OLFM2: variants seen among roughly 807,000 people sequenced by gnomAD.
OLFM2 encodes olfactomedin 2.
OLFM2 carries 20 observed loss-of-function variants against 43.9 expected under a neutral mutation model. The ratio of observed to expected loss-of-function variants is 0.46; its 90% CI spans 0.32 to 0.66. OLFM2 has a LOEUF of 0.66. Ranked by LOEUF, OLFM2 falls within the 30% of genes least tolerant of loss-of-function variation. The probability of loss-of-function intolerance (pLI) is 0.04; values close to 1 mark genes in which losing one functional copy is unlikely to be tolerated. For synonymous variants in OLFM2, 268 were observed against 278.6 expected (o/e 0.96, Z 0.38); for missense variants, 416 against 643.6 (o/e 0.65, Z 3.83).
At chr19:9,861,687 G>A (rs2046366439) in intron 1 of OLFM2, among the ~76,000 whole-genome samples, 1 of 152,222 alleles carries the variant, frequency 6.6e-6, no homozygotes, top group Non-Finnish European at 1.5e-5. Flanking sequence ...AACAAGTTTT[G>A]TTACTGCAGG....
chr19:9,876,268 G>A (rs116230076), intron 1 of OLFM2, among the ~76,000 whole-genome samples: 2 of 152,170 alleles, frequency 1.3e-5, no homozygotes, highest in Non-Finnish European at 2.9e-5. Flanking sequence ...ATCCGTCCGC[G>A]TGTGGAAAAG....
chr19:9,861,659 A>G (rs543322435), intron 1 of OLFM2, among the ~76,000 whole-genome samples: 35 of 152,374 alleles, frequency 2.3e-4, no homozygotes, highest in South Asian at 1.7e-3. Context: ...GGTCAAATAA[A>G]TGTGTGTCAC....
intron 1 of OLFM2, among the ~76,000 whole-genome samples, chr19:9,901,443 C>G (rs1290806840): frequency 6.6e-6 from 1 of 151,908 alleles, no homozygotes; most frequent in Non-Finnish European, 1.5e-5. Flanking sequence ...AACAAACAAA[C>G]AAACAAACAA....
chr19:9,915,728 C>T (rs1234941202), intron 1 of OLFM2, among the ~76,000 whole-genome samples: 2 of 151,904 alleles, frequency 1.3e-5, no homozygotes, highest in African/African-American at 4.8e-5. Context: ...CCGTGTTAGC[C>T]AGGATGGTCT....
intron 1 of OLFM2, among the ~76,000 whole-genome samples, chr19:9,882,607 AG>A (rs2046548766): frequency 6.7e-6 from 1 of 150,254 alleles, no homozygotes; most frequent in South Asian, 2.1e-4. Flanking sequence ...GCTGTGTGTG[AG>A]TGGGGTAGGA....
At chr19:9,864,910 T>G (rs928189988) in intron 1 of OLFM2, among the ~76,000 whole-genome samples, 2 of 147,286 alleles carry the variant, frequency 1.4e-5, no homozygotes, top group East Asian at 4.1e-4. Flanking sequence ...GTATTACAGG[T>G]GTGAGCCACT....
intron 1 of OLFM2, among the ~76,000 whole-genome samples, chr19:9,916,959 G>A (rs1268001380): frequency 6.6e-6 from 1 of 151,994 alleles, no homozygotes; most frequent in Admixed American, 6.6e-5. Context: ...CCACCTCTCT[G>A]GCTGTGCCGT....
chr19:9,891,159 C>T (rs536001799), intron 1 of OLFM2, among the ~76,000 whole-genome samples: 33 of 149,034 alleles, frequency 2.2e-4, no homozygotes, highest in African/African-American at 8.2e-4. Context: ...ACTAAAAATA[C>T]AAAAATTAGC....
chr19:9,908,925 C>T lies in OLFM2; in HGVS notation c.63+27379G>A, dbSNP rs1274846610. Among the ~76,000 whole-genome samples, 3 of 151,950 alleles carry T rather than the reference C, an allele frequency of 2.0e-5. No individual in the cohort carries two copies. The East Asian group carries it at 5.8e-4, about 29-fold the overall frequency. On this transcript the variant is annotated intron_variant, in intron 1 of 5. Coordinates refer to ENST00000264833, the MANE Select transcript of OLFM2 (RefSeq NM_058164.4). ...TTTGCTATGTTGTCCAGGCTGGTCT[C>T]GAACTCCTGGCCTCAAGCAATCTTC...
rs2046540736 is a variant in OLFM2, at chr19:9,881,664, A to AT, written c.64-20871_64-20870insA. ...ATGCCACCATGTCCCACTAATTTTTAATTTTTTTTTTTTTACAGTTGGGGG... is the reference window on the plus strand; with the variant it reads ...ATGCCACCATGTCCCACTAATTTTTATATTTTTTTTTTTTTACAGTTGGGGG... On this transcript the variant is annotated intron_variant, in intron 1 of 5. Coordinates refer to ENST00000264833, the MANE Select transcript of OLFM2 (RefSeq NM_058164.4). Among the ~76,000 whole-genome samples, 3 of 25,214 alleles carry AT rather than the reference A, an allele frequency of 1.2e-4. No homozygotes were observed. In the Admixed American group the frequency reaches 2.0e-3, roughly 17 times the overall value. The allele number at this position is 25,214 out of a possible 152,430, so 16.5% of individuals were successfully genotyped here. A position where few individuals can be genotyped will look rare whatever the true frequency, so the allele number is the denominator to read the frequency against.
chr19:9,865,312 G>A (rs1208282955), intron 1 of OLFM2, among the ~76,000 whole-genome samples: 1 of 151,228 alleles, frequency 6.6e-6, no homozygotes, highest in Admixed American at 6.6e-5. Context: ...GAGACTAAAG[G>A]CCTTTAGTCT....
At position 9,854,868 on chromosome 19, in the gene OLFM2, G is replaced by A; in HGVS notation, c.688-5C>T. The A allele has an allele frequency of 6.4e-7, 1 of 1,565,842 alleles. No homozygotes were observed. The highest frequency in any genetic ancestry group is 8.7e-7 in the Non-Finnish European group (1 of 1,153,310). ...ATAGCCATCCATGTACCAGACCTAT[G>A]GTAGCAGCCGCTGGTCACTGGGGGG... On this transcript the variant is annotated splice_polypyrimidine_tract_variant and splice_region_variant and intron_variant, in intron 5 of 5. Coordinates refer to ENST00000264833, the MANE Select transcript of OLFM2 (RefSeq NM_058164.4). This position sits in a 1 kb window ranked among gnomAD's most constrained non-coding sequence, Gnocchi z 9.5.
intron 1 of OLFM2, among the ~76,000 whole-genome samples, chr19:9,887,021 C>T (rs1255786512): frequency 1.3e-5 from 2 of 152,052 alleles, no homozygotes; most frequent in Non-Finnish European, 2.9e-5. Context: ...ATGTACACTC[C>T]CCAAAGGGCA....
intron 1 of OLFM2, among the ~76,000 whole-genome samples, chr19:9,927,768 G>T (rs764165765): frequency 6.6e-6 from 1 of 152,138 alleles, no homozygotes; most frequent in Non-Finnish European, 1.5e-5. Context: ...GAGAAATTAG[G>T]AACAGAAACA....
intron 1 of OLFM2, among the ~76,000 whole-genome samples, chr19:9,888,041 T>C (rs1344315124): frequency 1.3e-5 from 2 of 151,992 alleles, no homozygotes; most frequent in African/African-American, 4.8e-5. Flanking sequence ...CTTCACAATC[T>C]GTCCCATCAC....
intron 1 of OLFM2, among the ~76,000 whole-genome samples, chr19:9,872,581 TC>T (rs2046451401): frequency 6.6e-6 from 1 of 151,822 alleles, no homozygotes; most frequent in Non-Finnish European, 1.5e-5. Flanking sequence ...GCCTGGGGCC[TC>T]CCTCAGCCTG....
intron 1 of OLFM2, among the ~76,000 whole-genome samples, chr19:9,915,239 C>CTT (rs34756498): frequency 6.1e-4 from 85 of 139,634 alleles, no homozygotes; most frequent in East Asian, 2.1e-3. Flanking sequence ...TTTTCTCTCT[C>CTT]TTTTTTTTTT....
chr19:9,855,724 C>T (rs960636642), intron 5 of OLFM2, among the ~76,000 whole-genome samples: 2 of 151,816 alleles, frequency 1.3e-5, no homozygotes, highest in Non-Finnish European at 2.9e-5. Flanking sequence ...TTAGTAGAGA[C>T]AAGGTCTCGC....
rs558093430 is a variant in OLFM2, at chr19:9,905,223, C to T, written c.63+31081G>A. ...CTGTAATCCCAGCACTTTGGGAGGC[C>T]GAGGCGGGCAGATCATGAGGTCAGG... On this transcript the variant is annotated intron_variant, in intron 1 of 5. Transcript: ENST00000264833. 3.9e-5 allele frequency among the ~76,000 whole-genome samples: 6 copies of T among 152,132 alleles called. No individual in the cohort carries two copies. In the East Asian group the frequency reaches 9.7e-4, roughly 25 times the overall value.
Sources: gnomAD v4.1 joint callset for allele counts (sites outside exome capture counted in the v4.1 genomes callset) on GRCh38, gnomAD v4.1.1 for gene constraint, Gnocchi (gnomAD v3.1) non-coding constraint, MANE v1.5 for transcripts, NCBI Gene and HGNC (gene_info 2026-07-23, HGNC 2026-07-21) for gene names.